The following BMS1 variants were observed in gnomAD, a reference collection of about 807,000 sequenced individuals.
BMS1 encodes the protein ribosome biogenesis protein BMS1 homolog.
A neutral mutation model predicts 138.7 loss-of-function variants in BMS1; 53 were observed. The ratio of observed to expected loss-of-function variants is 0.38; its 90% CI spans 0.31 to 0.48. The LOEUF (loss-of-function observed/expected upper bound fraction) is 0.48, where lower values mean the gene tolerates loss of function less well. Ranked by LOEUF, BMS1 falls within the 20% of genes least tolerant of loss-of-function variation. The pLI is 0.97. For missense variants in BMS1, 1,360 were observed against 1,565.5 expected, an observed-to-expected ratio of 0.87 and a Z score of 2.22; for synonymous variants, 504 against 539.9, an observed-to-expected ratio of 0.93 and a Z score of 0.92.
intron 5 of BMS1, among the ~76,000 whole-genome samples, chr10:42,791,231 CTG>C (rs1343813898): frequency 6.6e-6 from 1 of 152,248 alleles, no homozygotes; most frequent in African/African-American, 2.4e-5. Context: ...TTGTCTCTCT[CTG>C]TACCTGCTGC....
In BMS1 at chr10:42,784,550, G is replaced by A. The variant is rs367555449; in HGVS notation, c.156G>A (p.Arg52=). Residue 52 remains arginine (R), a synonymous_variant, in exon 2 of 23, where the codon CGG becomes CGA. Coordinates refer to ENST00000374518, the MANE Select transcript of BMS1 (RefSeq NM_014753.4). The part of the protein sequence containing the change: ...PKAFAVQSAV[R]MARSFHRTQD... ...CTTTTGCAGTTCAGTCTGCTGTGCG[G>A]ATGGCTCGATCCTTTCACAGGTATG... is the stretch of plus-strand genomic sequence containing the variant. The A allele has an allele frequency of 4.2e-5, 68 of 1,613,018 alleles. No individual in the cohort carries two copies. In the African/African-American group the frequency reaches 6.4e-4, roughly 15 times the overall value.
At chr10:42,830,177 C>T in intron 21 of BMS1, 84 bp from the exon 22 acceptor site, 2 of 1,498,178 alleles carry the variant, frequency 1.3e-6, no homozygotes, top group Non-Finnish European at 1.8e-6. Context: ...GAAAAGTCAA[C>T]CCATTGAGAA....
At chr10:42,828,616 T>G (rs1476228436) in intron 21 of BMS1, among the ~76,000 whole-genome samples, 5 of 152,096 alleles carry the variant, frequency 3.3e-5, no homozygotes, top group African/African-American at 4.8e-5. Flanking sequence ...CTCTTCAGTT[T>G]TTTTTTTTTT....
intron 21 of BMS1, among the ~76,000 whole-genome samples, chr10:42,828,521 G>A (rs993361106): frequency 6.6e-5 from 10 of 151,848 alleles, no homozygotes; most frequent in African/African-American, 2.4e-4. Context: ...TCTGTGTCGT[G>A]TTCTGGGAGC....
chr10:42,791,571 C>T, intron 5 of BMS1, 56 bp from the exon 6 acceptor site: 2 of 1,475,734 alleles, frequency 1.4e-6, no homozygotes, highest in African/African-American at 2.9e-5. Context: ...TATTTTGTTG[C>T]AGTATTGATG....
intron 13 of BMS1, among the ~76,000 whole-genome samples, chr10:42,805,099 ATATT>A (rs1159300043): frequency 6.6e-6 from 1 of 152,164 alleles, no homozygotes; most frequent in Non-Finnish European, 1.5e-5. Flanking sequence ...ATTGTCTCAT[ATATT>A]CTGTAAGTCT....
chr10:42,800,652 G>T (rs149145419), intron 12 of BMS1, among the ~76,000 whole-genome samples: 1 of 150,706 alleles, frequency 6.6e-6, no homozygotes, highest in African/African-American at 2.4e-5. Flanking sequence ...TCAGCCTCCC[G>T]AGTAGCTGGT....
At chr10:42,828,641 A>G (rs943075167) in intron 21 of BMS1, among the ~76,000 whole-genome samples, 8 of 151,672 alleles carry the variant, frequency 5.3e-5, no homozygotes, top group East Asian at 1.9e-4. Flanking sequence ...TAGGTTTTCA[A>G]TGCCTGCCTG....
chr10:42,792,519 A>G lies in BMS1; in HGVS notation c.806A>G (p.Asp269Gly), dbSNP rs751347499. The change falls in exon 7 of 23, where the codon GAT (aspartate) becomes GGT (glycine). Residue 269 changes from aspartate (D) to glycine (G), a missense_variant. Asp to Gly is a moderately conservative substitution (Grantham distance 94). Transcript: ENST00000374518. ...ATGGAAGATTTGACAAACCCAGAGG[A>G]TATCCGAACAAACATCAAATGTGAC... is the stretch of plus-strand genomic sequence containing the variant. ...DRMEDLTNPE[D>G]IRTNIKCDRK... The G allele has an allele frequency of 6.2e-7, 1 of 1,611,724 alleles. No individual in the cohort carries two copies. Among genetic ancestry groups the G allele is most frequent in the Non-Finnish European group, 8.5e-7 (1 of 1,179,800 alleles).
chr10:42,787,255 A>G lies in BMS1; in HGVS notation c.447+8A>G. ...GCTAAAGTAGCAGATCTGGTAAGTGAGCAGGGGCAGCCTGGGGTGCTGATG... is the reference window on the plus strand; with the variant it reads ...GCTAAAGTAGCAGATCTGGTAAGTGGGCAGGGGCAGCCTGGGGTGCTGATG... On this transcript the variant is annotated splice_region_variant and intron_variant, in intron 4 of 22. Transcript: ENST00000374518. The G allele has an allele frequency of 9.7e-7, 1 of 1,027,204 alleles. No individual in the cohort carries two copies. Among genetic ancestry groups the G allele is most frequent in the Non-Finnish European group, 1.5e-6 (1 of 672,534 alleles). 63.6% of individuals were successfully genotyped at this position (1,027,204 alleles called of 1,614,324 possible).
chr10:42,811,120 G>C (rs755616296), intron 13 of BMS1, among the ~76,000 whole-genome samples: 2 of 151,740 alleles, frequency 1.3e-5, no homozygotes, highest in African/African-American at 4.8e-5. Flanking sequence ...TTGGCTCCCC[G>C]CAACCTCCAC....
intron 2 of BMS1, among the ~76,000 whole-genome samples, chr10:42,784,854 T>TC (rs1014959925): frequency 2.6e-5 from 4 of 152,128 alleles, no homozygotes; most frequent in African/African-American, 9.7e-5. Flanking sequence ...GTGTGCTTTT[T>TC]CCCCCCAGGT....
intron 18 of BMS1, among the ~76,000 whole-genome samples, chr10:42,821,507 C>CTCTGAAA (rs1842502020): frequency 6.7e-6 from 1 of 149,608 alleles, no homozygotes; most frequent in Non-Finnish European, 1.5e-5. Flanking sequence ...AATTACATTC[C>CTCTGAAA]TCTGAAATCA....
chr10:42,797,909 G>T (rs10793636), intron 11 of BMS1, among the ~76,000 whole-genome samples: 56,467 of 151,966 alleles, frequency 0.37, 11,210 homozygotes, highest in East Asian at 0.63. Context: ...CTTGTCCTCT[G>T]ATTTTATGCT....
intron 13 of BMS1, among the ~76,000 whole-genome samples, chr10:42,809,977 A>G (rs1367183154): frequency 1.3e-4 from 12 of 95,894 alleles, no homozygotes; most frequent in Non-Finnish European, 8.4e-5. Flanking sequence ...TTTTTTTTGT[A>G]GAGCCAGGTC....
Position 42,816,604 on chromosome 10 carries a change from C to T in BMS1, c.2335C>T (p.Leu779Phe). The part of the protein sequence containing the change: ...AAKVLAEDEE[L>F]YGDFEDLETG... ...TTTGGGTGTTCTTTTCCCAGAGGAG[C>T]TCTACGGTGACTTTGAAGACTTGGA... Residue 779 changes from leucine (L) to phenylalanine (F), a missense_variant, in exon 14 of 23, where the codon CTC becomes TTC. This residue lies in a region of BMS1 where 697 missense variants were observed against 686.2 expected (regional missense o/e 1.02). Transcript: ENST00000374518. 7 of 1,610,086 alleles carry T rather than the reference C, an allele frequency of 4.3e-6. No homozygotes were observed. Among genetic ancestry groups the T allele is most frequent in the Non-Finnish European group, 5.1e-6 (6 of 1,179,272 alleles).
At position 42,799,108 on chromosome 10, in the gene BMS1, T is replaced by TTC. The variant is rs909382416; in HGVS notation, c.2247+497_2247+498dup. Among the ~76,000 whole-genome samples, 21 of 151,826 alleles carry TTC rather than the reference T, an allele frequency of 1.4e-4. No individual in the cohort carries two copies. The East Asian group carries it at 1.6e-3, about 11-fold the overall frequency. ...TACCCTCCTCTTAGACCTCTTCTCTTTCTCTCTCTCTCTCTTTAAGATATG... is the reference window on the plus strand; with the variant it reads ...TACCCTCCTCTTAGACCTCTTCTCTTTCTCTCTCTCTCTCTCTTTAAGATATG... On this transcript the variant is annotated intron_variant, in intron 12 of 22. Coordinates refer to ENST00000374518, the MANE Select transcript of BMS1 (RefSeq NM_014753.4).
At position 42,787,152 on chromosome 10, in the gene BMS1, A is replaced by T; in HGVS notation, c.368-16A>T. The T allele has an allele frequency of 1.1e-6, 1 of 900,480 alleles. No homozygotes were observed. The highest frequency in any genetic ancestry group is 2.4e-5 in the East Asian group (1 of 41,614). 55.8% of individuals were successfully genotyped at this position (900,480 alleles called of 1,614,324 possible). On this transcript the variant is annotated splice_polypyrimidine_tract_variant and intron_variant, in intron 3 of 22. Transcript: ENST00000374518. ...AGGGTCTTTTTAAAGTAAAATTTTCATCTTTTCACTTATAGGTAAAAAGCG... is the reference window on the plus strand; with the variant it reads ...AGGGTCTTTTTAAAGTAAAATTTTCTTCTTTTCACTTATAGGTAAAAAGCG...
chr10:42,816,645 C>T lies in BMS1; in HGVS notation c.2376C>T (p.His792=). The T allele has an allele frequency of 1.2e-6, 2 of 1,611,490 alleles. No individual in the cohort carries two copies. Among genetic ancestry groups the T allele is most frequent in the Non-Finnish European group, 1.7e-6 (2 of 1,179,640 alleles). Residue 792 remains histidine (H), a synonymous_variant, in exon 14 of 23, where the codon CAC becomes CAT. Transcript: ENST00000374518. The stretch of plus-strand genomic sequence containing the variant: ...AAGACTTGGAAACAGGGGACGTGCA[C>T]AAGGGAAAATCAGGCCCCAATACTC... The part of the protein sequence containing the change: ...DFEDLETGDV[H]KGKSGPNTQN...
Sources: gnomAD v4.1 joint callset for allele counts (sites outside exome capture counted in the v4.1 genomes callset) on GRCh38, gnomAD v4.1.1 for gene constraint, gnomAD v4.1.1 regional missense constraint, MANE v1.5 for transcripts, NCBI Gene and HGNC (gene_info 2026-07-23, HGNC 2026-07-21) for gene names.